Variants in CAMKMT observed in about 807,000 individuals in gnomAD.
CAMKMT encodes calmodulin-lysine N-methyltransferase, also known as CaM KMT.
Under a neutral mutation model 48.0 loss-of-function variants are expected in CAMKMT, and 53 were observed. The ratio of observed to expected loss-of-function variants is 1.10; its 90% confidence interval spans 0.89 to 1.39. CAMKMT has a LOEUF of 1.39. Among genes scored for constraint, CAMKMT ranks in the 40% most tolerant of loss-of-function variants. The pLI, the probability that CAMKMT is intolerant of heterozygous loss-of-function variation, is 0.00. For synonymous variants in CAMKMT, 165 were observed against 152.3 expected, an observed-to-expected ratio of 1.08 and a Z score of -0.61; for missense variants, 428 against 402.7, an observed-to-expected ratio of 1.06 and a Z score of -0.54.
At chr2:44,495,465 G>A (rs1399454376) in intron 3 of CAMKMT, among the ~76,000 whole-genome samples, 1 of 151,984 alleles carries the variant, frequency 6.6e-6, no homozygotes, top group African/African-American at 2.4e-5. Context: ...TTTATTTTGA[G>A]GACTGACTAG....
intron 3 of CAMKMT, among the ~76,000 whole-genome samples, chr2:44,441,337 G>A (rs560651478): frequency 6.6e-6 from 1 of 152,102 alleles, no homozygotes; most frequent in Non-Finnish European, 1.5e-5. Flanking sequence ...CAGTGTTGCT[G>A]GGTGATAACA....
At chr2:44,684,348 A>T (rs987577857) in intron 3 of CAMKMT, among the ~76,000 whole-genome samples, 1 of 152,208 alleles carries the variant, frequency 6.6e-6, no homozygotes, top group Non-Finnish European at 1.5e-5. Context: ...ACAGAAGGAT[A>T]ATTGTGGTGT....
At chr2:44,723,652 A>G (rs891836242) in intron 7 of CAMKMT, 2 of 149,278 alleles carry the variant, frequency 1.3e-5, no homozygotes, top group African/African-American at 5.0e-5. Context: ...AAATAAATAA[A>G]TAAAATAATA....
intron 3 of CAMKMT, among the ~76,000 whole-genome samples, chr2:44,474,873 A>G (rs1668607013): frequency 6.6e-6 from 1 of 152,212 alleles, no homozygotes; most frequent in African/African-American, 2.4e-5. Context: ...TAAGCTCCTC[A>G]TACTAATAAC....
At chr2:44,626,829 A>G (rs900537257) in intron 3 of CAMKMT, among the ~76,000 whole-genome samples, 2 of 152,120 alleles carry the variant, frequency 1.3e-5, no homozygotes, top group Non-Finnish European at 2.9e-5. Flanking sequence ...AATAAAGACA[A>G]TTTTACTTCA....
intron 3 of CAMKMT, chr2:44,631,713 A>G (rs1184038863): frequency 1.3e-5 from 5 of 391,506 alleles, no homozygotes; most frequent in African/African-American, 8.3e-5. Context: ...AATTATTGAT[A>G]TGGTTATGTT....
chr2:44,666,782 G>T (rs547209552), intron 3 of CAMKMT, among the ~76,000 whole-genome samples: 126 of 152,166 alleles, frequency 8.3e-4, no homozygotes, highest in African/African-American at 2.9e-3. Flanking sequence ...GCTAATTTTT[G>T]TATTTTTAGT....
intron 3 of CAMKMT, among the ~76,000 whole-genome samples, chr2:44,454,016 G>A (rs1443480390): frequency 6.6e-6 from 1 of 152,078 alleles, no homozygotes; most frequent in Non-Finnish European, 1.5e-5. Context: ...GAAGGAAAAT[G>A]TCTGCCTGAC....
intron 3 of CAMKMT, among the ~76,000 whole-genome samples, chr2:44,529,407 A>G (rs1055107596): frequency 6.6e-6 from 1 of 152,208 alleles, no homozygotes; most frequent in African/African-American, 2.4e-5. Context: ...ATGAATGTTC[A>G]GGAGTATACC....
At chr2:44,626,512 T>TA (rs1008056196) in intron 3 of CAMKMT, among the ~76,000 whole-genome samples, 4 of 152,186 alleles carry the variant, frequency 2.6e-5, no homozygotes, top group African/African-American at 9.7e-5. Context: ...GGGTAGCTTA[T>TA]AAAAAACAGA....
intron 3 of CAMKMT, among the ~76,000 whole-genome samples, chr2:44,587,896 C>A (rs1166948195): frequency 1.7e-5 from 2 of 117,108 alleles, no homozygotes; most frequent in Non-Finnish European, 3.7e-5. Context: ...TGCCCGGCCG[C>A]CACCCCGTCT....
chr2:44,638,075 G>A (rs1673238294), intron 3 of CAMKMT, among the ~76,000 whole-genome samples: 3 of 148,334 alleles, frequency 2.0e-5, no homozygotes, highest in Non-Finnish European at 3.0e-5. Context: ...AAAAAAAAGA[G>A]AAAAAGAAAA....
At chr2:44,557,458 C>T (rs1203700336) in intron 3 of CAMKMT, among the ~76,000 whole-genome samples, 2 of 152,014 alleles carry the variant, frequency 1.3e-5, no homozygotes, top group East Asian at 3.9e-4. Context: ...AGAGGGCAGT[C>T]CTTTTTTGAG....
At chr2:44,376,419 CAA>C (rs567674110) in intron 2 of CAMKMT, among the ~76,000 whole-genome samples, 6,470 of 104,610 alleles carry the variant, frequency 0.062, 200 homozygotes, top group South Asian at 0.17. Context: ...GACTCTGTAT[CAA>C]AAAAAAAAAA....
At chr2:44,671,980 C>T (rs947508974) in intron 3 of CAMKMT, among the ~76,000 whole-genome samples, 2 of 152,092 alleles carry the variant, frequency 1.3e-5, no homozygotes, top group African/African-American at 4.8e-5. Context: ...GATTAATATA[C>T]TTTTAACTGT....
At chr2:44,592,011 A>G (rs1670316768) in intron 3 of CAMKMT, among the ~76,000 whole-genome samples, 1 of 151,620 alleles carries the variant, frequency 6.6e-6, no homozygotes, top group East Asian at 1.9e-4. Context: ...GGAATTGAGC[A>G]ATGAGAACAC....
intron 3 of CAMKMT, among the ~76,000 whole-genome samples, chr2:44,491,371 A>G (rs1669496384): frequency 6.6e-6 from 1 of 152,090 alleles, no homozygotes; most frequent in African/African-American, 2.4e-5. Flanking sequence ...ATGTGCCTAA[A>G]ATTTTTTTAA....
intron 3 of CAMKMT, among the ~76,000 whole-genome samples, chr2:44,580,873 T>C (rs891312171): frequency 6.6e-6 from 1 of 152,178 alleles, no homozygotes; most frequent in Non-Finnish European, 1.5e-5. Flanking sequence ...GGTGTATTGA[T>C]TGTATAATCA....
chr2:44,694,591 A>G lies in CAMKMT; in HGVS notation c.377-9692A>G, dbSNP rs543837385. ...AAATAAAATAAAATAATTCGAAACTAGCTACTTCACTAACAATAACAACAA... is the reference window on the plus strand; with the variant it reads ...AAATAAAATAAAATAATTCGAAACTGGCTACTTCACTAACAATAACAACAA... On this transcript the variant is annotated intron_variant, in intron 3 of 10. Coordinates refer to ENST00000378494, the MANE Select transcript of CAMKMT (RefSeq NM_024766.5). Among the ~76,000 whole-genome samples, 3 of 152,308 alleles carry G rather than the reference A, an allele frequency of 2.0e-5. No individual in the cohort carries two copies. In the South Asian group the frequency reaches 6.2e-4, roughly 32 times the overall value.
Sources: gnomAD v4.1 joint callset for allele counts (sites outside exome capture counted in the v4.1 genomes callset) on GRCh38, gnomAD v4.1.1 for gene constraint, MANE v1.5 for transcripts, NCBI Gene and HGNC (gene_info 2026-07-23, HGNC 2026-07-21) for gene names.